GLYATL3: variants seen among roughly 807,000 people sequenced by gnomAD.
GLYATL3 encodes glycine N-acyltransferase-like protein 3.
In GLYATL3, 31 loss-of-function variants were observed where a neutral mutation model predicts 28.5. The observed-to-expected ratio is 1.09, with a 90% CI of 0.82 to 1.47. The LOEUF (loss-of-function observed/expected upper bound fraction) is 1.47. GLYATL3 is among the 40% of genes most tolerant of loss of function. GLYATL3 has a pLI of 0.00. For missense variants in GLYATL3, 369 were observed against 351.5 expected, an observed-to-expected ratio of 1.05 and a Z score of -0.40; for synonymous variants, 141 against 140.2, an observed-to-expected ratio of 1.01 and a Z score of -0.04.
intron 5 of GLYATL3, among the ~76,000 whole-genome samples, chr6:49,525,078 G>GTTC (rs1769382364): frequency 7.1e-6 from 1 of 141,384 alleles, no homozygotes; most frequent in Non-Finnish European, 1.5e-5. Flanking sequence ...AACCACAGAA[G>GTTC]TTCTATTCTA....
intron 1 of GLYATL3, among the ~76,000 whole-genome samples, chr6:49,507,219 T>C (rs554748019): frequency 2.4e-4 from 37 of 152,116 alleles, no homozygotes; most frequent in Non-Finnish European, 3.5e-4. Context: ...CCACGTTAAC[T>C]TGTGGCAGTT....
intron 4 of GLYATL3, among the ~76,000 whole-genome samples, chr6:49,518,132 C>A (rs1253955961): frequency 6.6e-6 from 1 of 152,162 alleles, no homozygotes; most frequent in African/African-American, 2.4e-5. Flanking sequence ...AGGATCCTCT[C>A]TCCTCAGCTT....
Position 49,512,039 on chromosome 6 carries a change from T to A in GLYATL3, c.49T>A (p.Leu17Met). ...STKLLILEKM[L>M]KSCFPESLKV... ...CAAATTACTGATACTGGAGAAAATG[T>A]TGAAGAGTTGCTTTCCTGAATCACT... is the stretch of plus-strand genomic sequence containing the variant. The change falls in exon 2 of 6, where the codon TTG (leucine) becomes ATG (methionine). Residue 17 changes from leucine (L) to methionine (M), a missense_variant. Leu to Met is a conservative substitution (Grantham distance 15). Transcript: ENST00000371197. 2 of 1,463,952 alleles carry A rather than the reference T, an allele frequency of 1.4e-6. No individual in the cohort carries two copies. The highest frequency in any genetic ancestry group is 1.9e-6 in the Non-Finnish European group (2 of 1,069,468). The allele number at this position is 1,463,952 out of a possible 1,614,324, so 90.7% of individuals were successfully genotyped here.
intron 5 of GLYATL3, among the ~76,000 whole-genome samples, chr6:49,523,355 G>C (rs1372893366): frequency 6.6e-6 from 1 of 152,238 alleles, no homozygotes; most frequent in African/African-American, 2.4e-5. Flanking sequence ...ACCGTGCTCT[G>C]CTAAAAGTTG....
intron 4 of GLYATL3, among the ~76,000 whole-genome samples, chr6:49,520,351 A>G (rs1282862856): frequency 6.6e-6 from 1 of 152,140 alleles, no homozygotes; most frequent in Non-Finnish European, 1.5e-5. Context: ...CTTTTTTCTC[A>G]TAGTCTTTTG....
At chr6:49,509,947 T>TC (rs1769083098) in intron 1 of GLYATL3, among the ~76,000 whole-genome samples, 2 of 46,982 alleles carry the variant, frequency 4.3e-5, no homozygotes, top group Admixed American at 1.9e-4. Context: ...GTATTTTCTT[T>TC]CTCTTTCTTT....
chr6:49,519,484 G>A (rs1214767898), intron 4 of GLYATL3, among the ~76,000 whole-genome samples: 1 of 152,102 alleles, frequency 6.6e-6, no homozygotes, highest in Non-Finnish European at 1.5e-5. Flanking sequence ...TTGGAATACT[G>A]AATACCTTCT....
chr6:49,503,073 A>G (rs1165609202), intron 1 of GLYATL3, among the ~76,000 whole-genome samples: 2 of 151,908 alleles, frequency 1.3e-5, no homozygotes, highest in Non-Finnish European at 2.9e-5. Context: ...ATTGGACTCC[A>G]TATAGATAGT....
chr6:49,500,733 A>G (rs1768898170), intron 1 of GLYATL3, among the ~76,000 whole-genome samples: 3 of 152,212 alleles, frequency 2.0e-5, no homozygotes, highest in Non-Finnish European at 4.4e-5. Flanking sequence ...CAATTCCAGA[A>G]CATACTGATT....
At chr6:49,525,093 A>ATTT (rs10630585) in intron 5 of GLYATL3, among the ~76,000 whole-genome samples, 55,675 of 141,184 alleles carry the variant, frequency 0.39, 11,605 homozygotes, top group East Asian at 0.6. Flanking sequence ...ATTCTAAAAC[A>ATTT]TTTTTTTTTT....
chr6:49,525,664 G>A (rs1387541860), intron 5 of GLYATL3, among the ~76,000 whole-genome samples: 1 of 150,854 alleles, frequency 6.6e-6, no homozygotes, highest in African/African-American at 2.4e-5. Flanking sequence ...GAAGTTCAGA[G>A]TTATACCCAC....
chr6:49,507,818 T>C (rs1769039682), intron 1 of GLYATL3, among the ~76,000 whole-genome samples: 1 of 152,106 alleles, frequency 6.6e-6, no homozygotes, highest in African/African-American at 2.4e-5. Context: ...CACCTTCTGG[T>C]CCTGCAGTGC....
intron 1 of GLYATL3, among the ~76,000 whole-genome samples, chr6:49,504,211 T>C (rs1768967226): frequency 1.9e-5 from 1 of 51,478 alleles, no homozygotes; most frequent in Admixed American, 1.5e-4. Context: ...TTAGCATGGT[T>C]ATTTTTTTTC....
At chr6:49,526,409 T>A in intron 5 of GLYATL3, 79 bp from the exon 6 acceptor site, 1 of 1,239,182 alleles carries the variant, frequency 8.1e-7, no homozygotes, top group Non-Finnish European at 1.1e-6. Flanking sequence ...CAAGACTGTG[T>A]CTCGAAAAAA....
At chr6:49,514,437 T>C (rs1050480599) in intron 2 of GLYATL3, among the ~76,000 whole-genome samples, 16 of 152,232 alleles carry the variant, frequency 1.1e-4, no homozygotes, top group African/African-American at 3.6e-4. Flanking sequence ...AGGATTCCTA[T>C]AGTTCAGCAG....
chr6:49,507,291 A>G (rs1245175479), intron 1 of GLYATL3, among the ~76,000 whole-genome samples: 2 of 152,122 alleles, frequency 1.3e-5, no homozygotes. Flanking sequence ...AGTCAGTCCA[A>G]ACAGAAATAG....
intron 2 of GLYATL3, among the ~76,000 whole-genome samples, chr6:49,514,646 C>T (rs1306804754): frequency 6.6e-6 from 1 of 150,704 alleles, no homozygotes; most frequent in African/African-American, 2.4e-5. Flanking sequence ...GCCTGGGCAA[C>T]ATAATGAGAC....
intron 4 of GLYATL3, 99 bp from the exon 5 acceptor site, chr6:49,521,546 A>G (rs1581872637): frequency 6.4e-6 from 6 of 935,058 alleles, no homozygotes; most frequent in East Asian, 5.3e-5. Flanking sequence ...GCAAACTGCT[A>G]GTATTGATGA....
At position 49,508,728 on chromosome 6, in the gene GLYATL3, G is replaced by T. The variant is rs556461708; in HGVS notation, c.-28-3235G>T. 2.0e-5 allele frequency among the ~76,000 whole-genome samples: 3 copies of T among 152,266 alleles called. No homozygotes were observed. The East Asian group carries it at 5.8e-4, about 29-fold the overall frequency. ...ACATCACGTGCTGTTGGCTCATTCTGGCAGTCCAACCTGGCATTGTCTTTA... is the reference window on the plus strand; with the variant it reads ...ACATCACGTGCTGTTGGCTCATTCTTGCAGTCCAACCTGGCATTGTCTTTA... On this transcript the variant is annotated intron_variant, in intron 1 of 5. Coordinates refer to ENST00000371197, the MANE Select transcript of GLYATL3 (RefSeq NM_001010904.2).
Sources: allele counts gnomAD v4.1 joint callset (sites outside exome capture counted in the v4.1 genomes callset), GRCh38; gene constraint gnomAD v4.1.1; transcripts MANE v1.5; gene names NCBI Gene and HGNC (gene_info 2026-07-23, HGNC 2026-07-21).